Variants in E2F6 observed in about 807,000 individuals in gnomAD.
E2F6 encodes the protein E2F transcription factor 6.
E2F6 carries 19 observed loss-of-function variants against 31.5 expected under a neutral mutation model. The ratio of observed to expected loss-of-function variants is 0.60; its 90% confidence interval spans 0.42 to 0.89. E2F6 has a LOEUF of 0.89. Ranked by LOEUF, E2F6 falls within the 40% of genes least tolerant of loss-of-function variation. The pLI, the probability that E2F6 is intolerant of heterozygous loss-of-function variation, is 0.00. For missense variants in E2F6, 269 were observed against 341.6 expected (o/e 0.79, Z 1.67); for synonymous variants, 121 against 127.7 (o/e 0.95, Z 0.36).
At chr2:11,464,550 T>G (rs1572519210) in intron 1 of E2F6, among the ~76,000 whole-genome samples, 1 of 143,336 alleles carries the variant, frequency 7.0e-6, no homozygotes, top group Admixed American at 7.0e-5. Context: ...AGTTTAGCTG[T>G]GAAGAGGAAG....
intron 1 of E2F6, 133 bp from the exon 2 acceptor site, chr2:11,457,366 G>A (rs1265057162): frequency 8.1e-6 from 5 of 613,986 alleles, no homozygotes; most frequent in Middle Eastern, 4.7e-4. Flanking sequence ...GCTCACGCCT[G>A]TAATCCCAGC....
At chr2:11,455,348 T>C (rs1313864351) in intron 2 of E2F6, 1 of 1,178,832 alleles carries the variant, frequency 8.5e-7, no homozygotes. Flanking sequence ...CTACCTTCAG[T>C]CAGAAATGTC....
At position 11,465,906 on chromosome 2, in the gene E2F6, C is replaced by T. The variant is rs1672179897; in HGVS notation, c.-27G>A. Reference sequence around the variant, plus strand: ...CTGCCCGGCCGGGCGTCCTGCTCCCCTCGCACCCCACGAGCTCTCCCGCCC... The same window carrying T: ...CTGCCCGGCCGGGCGTCCTGCTCCCTTCGCACCCCACGAGCTCTCCCGCCC... On this transcript the variant is annotated 5_prime_UTR_variant, in exon 1 of 7. Transcript: ENST00000381525. 1.3e-6 allele frequency: 2 copies of T among 1,513,256 alleles called. No individual in the cohort carries two copies. The highest frequency in any genetic ancestry group is 1.8e-6 in the Non-Finnish European group (2 of 1,127,156). The allele number at this position is 1,513,256 out of a possible 1,614,324, so 93.7% of individuals were successfully genotyped here. A position where few individuals can be genotyped will look rare whatever the true frequency, so the allele number is the denominator to read the frequency against.
chr2:11,449,898 G>C, intron 5 of E2F6, 114 bp downstream of exon 5: 1 of 699,210 alleles, frequency 1.4e-6, no homozygotes, highest in East Asian at 2.8e-5. Context: ...AGCAGTATCG[G>C]ATGTACAGTG....
chr2:11,461,886 TC>T, intron 1 of E2F6, among the ~76,000 whole-genome samples: 1 of 152,364 alleles, frequency 6.6e-6, no homozygotes, highest in South Asian at 2.1e-4. Flanking sequence ...GTCATTATAA[TC>T]CTTGTTTTCC....
In E2F6 at chr2:11,446,440, C is replaced by T; in HGVS notation, c.*37G>A. 1 of 1,493,252 alleles carries T rather than the reference C, an allele frequency of 6.7e-7. No homozygotes were observed. Among genetic ancestry groups the T allele is most frequent in the Admixed American group, 1.7e-5 (1 of 58,566 alleles). 92.5% of individuals were successfully genotyped at this position (1,493,252 alleles called of 1,614,324 possible). A position where few individuals can be genotyped will look rare whatever the true frequency, so the allele number is the denominator to read the frequency against. ...TGCGTAATTCTCCACGAAGATATTC[C>T]CAAAAAACTCAGTGATACATAAATT... On this transcript the variant is annotated 3_prime_UTR_variant, in exon 7 of 7. Transcript: ENST00000381525.
At chr2:11,465,743 G>GCCCGTCCCCGT (rs758811300) in intron 1 of E2F6, 29 bp downstream of exon 1, 137 of 1,559,242 alleles carry the variant, frequency 8.8e-5, no homozygotes, top group Admixed American at 2.9e-4. Flanking sequence ...GGAGACCACC[G>GCCCGTCCCCGT]CCCGTCCCCG....
At chr2:11,465,725 C>T in intron 1 of E2F6, 47 bp downstream of exon 1, 3 of 1,544,160 alleles carry the variant, frequency 1.9e-6, no homozygotes, top group South Asian at 1.2e-5. Context: ...AGGAGGGGGC[C>T]GGATTTGGGA....
chr2:11,446,660 T>G (rs1047428893), intron 6 of E2F6, 137 bp from the exon 7 acceptor site: 1 of 678,610 alleles, frequency 1.5e-6, no homozygotes, highest in Admixed American at 2.9e-5. Flanking sequence ...ACACGTATTC[T>G]CAGGTTAATG....
At chr2:11,453,821 T>C (rs1671226537) in intron 2 of E2F6, 23 bp from the exon 3 acceptor site, 1 of 1,582,186 alleles carries the variant, frequency 6.3e-7, no homozygotes, top group Non-Finnish European at 8.6e-7. Flanking sequence ...ATAAACATAT[T>C]TGTAAAATTT....
In E2F6 at chr2:11,450,074, G is replaced by C; in HGVS notation, c.589C>G (p.Gln197Glu). Residue 197 changes from glutamine (Q) to glutamate (E), a missense_variant, in exon 5 of 7, where the codon CAG (glutamine) becomes GAG (glutamate). Physicochemically the swap from Gln to Glu is conservative, Grantham distance 29. Coordinates refer to ENST00000381525, the MANE Select transcript of E2F6 (RefSeq NM_198256.4). ...DIHSIQAFHEQIVIAVKAPAE... is the reference protein window; with the variant it reads ...DIHSIQAFHEEIVIAVKAPAE... The stretch of plus-strand genomic sequence containing the variant: ...GGAGCTTTAACTGCAATGACGATCT[G>C]TTCATGGAAGGCCTGAATGCTATGA... 6.2e-7 allele frequency: 1 copy of C among 1,613,746 alleles called. No individual in the cohort carries two copies. The highest frequency in any genetic ancestry group is 1.3e-5 in the African/African-American group (1 of 75,034).
At chr2:11,451,970 A>T (rs183040915) in intron 3 of E2F6, among the ~76,000 whole-genome samples, 164 bp from the exon 4 acceptor site, 2 of 152,364 alleles carry the variant, frequency 1.3e-5, no homozygotes, top group Non-Finnish European at 2.9e-5. Flanking sequence ...GACAGCCATT[A>T]TTCCTTCTGT....
Position 11,465,887 on chromosome 2 carries a change from G to T in E2F6, c.-8C>A, listed in dbSNP as rs537378425. On this transcript the variant is annotated 5_prime_UTR_variant, in exon 1 of 7. Coordinates refer to ENST00000381525, the MANE Select transcript of E2F6 (RefSeq NM_198256.4). ...CGGCCGCTGCTGACTCATGCTGCCC[G>T]GCCGGGCGTCCTGCTCCCCTCGCAC... 6.5e-7 allele frequency: 1 copy of T among 1,544,478 alleles called. No homozygotes were observed. Among genetic ancestry groups the T allele is most frequent in the Non-Finnish European group, 8.7e-7 (1 of 1,144,160 alleles).
rs540420076 is a variant in E2F6, at chr2:11,457,533, G to T, written c.109-300C>A. On this transcript the variant is annotated intron_variant, in intron 1 of 6. Transcript: ENST00000381525. ...AGCTACTTGGGAGGCTGTGGCAAGA[G>T]AATCGCTTGAATCTAGGAGGTGGAG... is the stretch of plus-strand genomic sequence containing the variant. 2.0e-5 allele frequency among the ~76,000 whole-genome samples: 3 copies of T among 152,222 alleles called. No individual in the cohort carries two copies. The East Asian group carries it at 5.8e-4, about 29-fold the overall frequency.
At position 11,453,043 on chromosome 2, in the gene E2F6, G is replaced by A. The variant is rs992663997; in HGVS notation, c.380+539C>T. On this transcript the variant is annotated intron_variant, in intron 3 of 6. Transcript: ENST00000381525. Reference sequence around the variant, plus strand: ...GTCCCCAAATACTTGCCTATTCTAGGTACAACAGCATTCTCATGTGTGCAC... The same window carrying A: ...GTCCCCAAATACTTGCCTATTCTAGATACAACAGCATTCTCATGTGTGCAC... 7.2e-5 allele frequency among the ~76,000 whole-genome samples: 11 copies of A among 152,086 alleles called. 1 individual carries two copies. The highest frequency in any genetic ancestry group is 6.2e-4 in the South Asian group (3 of 4,826).
intron 5 of E2F6, among the ~76,000 whole-genome samples, chr2:11,449,627 T>C (rs941966640): frequency 6.6e-6 from 1 of 152,216 alleles, no homozygotes; most frequent in African/African-American, 2.4e-5. Context: ...TTTCAAGAGT[T>C]TGTTAATTCC....
chr2:11,458,778 T>C (rs1008873662), intron 1 of E2F6, among the ~76,000 whole-genome samples: 7 of 152,154 alleles, frequency 4.6e-5, no homozygotes, highest in Non-Finnish European at 1.0e-4. Context: ...ATCACCCCAA[T>C]ATGGAATACT....
rs545591643 is a variant in E2F6, at chr2:11,455,200, G to A, written c.164-1402C>T. The A allele has an allele frequency of 2.5e-5, 16 of 628,942 alleles. 2 individuals carry two copies. The South Asian group carries it at 6.2e-4, about 25-fold the overall frequency. 39.0% of individuals were successfully genotyped at this position (628,942 alleles called of 1,614,324 possible). A position where few individuals can be genotyped will look rare whatever the true frequency, so the allele number is the denominator to read the frequency against. ...GTCATCTTTTCCAATTTGATACTAA[G>A]AAAAAGTTCTTATGGCTTGGTTTGC... On this transcript the variant is annotated intron_variant, in intron 2 of 6. Coordinates refer to ENST00000381525, the MANE Select transcript of E2F6 (RefSeq NM_198256.4).
chr2:11,450,106 T>G lies in E2F6; in HGVS notation c.557A>C (p.Gln186Pro), dbSNP rs753523023. Residue 186 changes from glutamine (Q) to proline (P), a missense_variant, in exon 5 of 7, where the codon CAA (glutamine) becomes CCA (proline). Transcript: ENST00000381525. ...GAAGGCCTGAATGCTATGAATGTCT[T>G]GATAGGTCACATATGCTAGTGTAAA... Reference protein sequence around the residue: ...ENERLAYVTYQDIHSIQAFHE... With the variant: ...ENERLAYVTYPDIHSIQAFHE... 84 of 1,612,434 alleles carry G rather than the reference T, an allele frequency of 5.2e-5. No homozygotes were observed. The highest frequency in any genetic ancestry group is 6.8e-5 in the Non-Finnish European group (80 of 1,178,786).
Sources: allele counts gnomAD v4.1 joint callset (sites outside exome capture counted in the v4.1 genomes callset), GRCh38; gene constraint gnomAD v4.1.1; transcripts MANE v1.5; gene names NCBI Gene and HGNC (gene_info 2026-07-23, HGNC 2026-07-21).